The following HS3ST4 variants were observed in gnomAD, a reference collection of about 807,000 sequenced individuals.
HS3ST4 encodes the protein heparan sulfate-glucosamine 3-sulfotransferase 4, also known as heparan sulfate glucosamine 3-O-sulfotransferase 4.
HS3ST4 carries 17 observed loss-of-function variants against 29.2 expected under a neutral mutation model. That is an observed-to-expected ratio of 0.58 (90% CI 0.40 to 0.87). The LOEUF is 0.87. HS3ST4 is among the 40% of genes least tolerant of loss of function. The pLI is 0.00. For synonymous variants in HS3ST4, 314 were observed against 285.7 expected (o/e 1.10, Z -1.00); for missense variants, 627 against 634.5 (o/e 0.99, Z 0.13).
intron 1 of HS3ST4, among the ~76,000 whole-genome samples, chr16:26,074,242 G>T (rs7205687): frequency 0.21 from 32,342 of 152,082 alleles, 3,626 homozygotes; most frequent in South Asian, 0.24. Flanking sequence ...TGAAAATTCT[G>T]CTCTAAATCT....
rs976505602 is a variant in HS3ST4, at chr16:26,137,629, C to T, written c.*1381C>T. On this transcript the variant is annotated 3_prime_UTR_variant, in exon 2 of 2. Transcript: ENST00000331351. ...TTAAATCTGTTCAGCTGTTATTAAA[C>T]TGTCATTTCTCCCGCTAAATGAAAA... The T allele has an allele frequency of 3.9e-5, 6 of 152,158 alleles. No homozygotes were observed. Among genetic ancestry groups the T allele is most frequent in the Admixed American group, 3.3e-4 (5 of 15,276 alleles). The allele number at this position is 152,158 out of a possible 1,614,324, so 9.4% of individuals were successfully genotyped here.
chr16:25,713,863 G>T (rs1966433990), intron 1 of HS3ST4, among the ~76,000 whole-genome samples: 1 of 152,152 alleles, frequency 6.6e-6, no homozygotes. Flanking sequence ...TGGGTCTAAG[G>T]GATCCAATTC....
In HS3ST4 at chr16:25,692,708, G is replaced by T. The variant is rs1036332488; in HGVS notation, c.291G>T (p.Pro97=). 1.6e-6 allele frequency: 2 copies of T among 1,229,898 alleles called. No individual in the cohort carries two copies. Among genetic ancestry groups the T allele is most frequent in the African/African-American group, 1.6e-5 (1 of 62,966 alleles). The allele number at this position is 1,229,898 out of a possible 1,614,324, so 76.2% of individuals were successfully genotyped here. The change falls in exon 1 of 2, where the codon CCG becomes CCT. Residue 97 remains proline (P), a synonymous_variant. Transcript: ENST00000331351. ...TGCGCCTCGGCGCCCCCTCGCAGCC[G>T]CCCGCGCCGCCGCCGCTGGACAACG... ...TPVRLGAPSQ[P]PAPPPLDNAS...
rs116595093 is a variant in HS3ST4, at chr16:25,762,004, A to G, written c.734+68853A>G. 3.3e-3 allele frequency among the ~76,000 whole-genome samples: 498 copies of G among 152,240 alleles called. 3 individuals carry two copies. The highest frequency in any genetic ancestry group is 0.012 in the African/African-American group (479 of 41,526). The stretch of plus-strand genomic sequence containing the variant: ...AGCCCTCACCCCACTCAGAGCAAAG[A>G]TGATGGGAGATGTAGTCTTGGGGAG... On this transcript the variant is annotated intron_variant, in intron 1 of 1. Coordinates refer to ENST00000331351, the MANE Select transcript of HS3ST4 (RefSeq NM_006040.3).
intron 1 of HS3ST4, among the ~76,000 whole-genome samples, chr16:25,736,098 G>A (rs1966607421): frequency 6.6e-6 from 1 of 152,186 alleles, no homozygotes; most frequent in Admixed American, 6.5e-5. Flanking sequence ...TCCTAGGCTA[G>A]GTTTTCATCT....
chr16:25,990,828 G>C (rs1218975148), intron 1 of HS3ST4, among the ~76,000 whole-genome samples: 1 of 152,178 alleles, frequency 6.6e-6, no homozygotes, highest in African/African-American at 2.4e-5. Flanking sequence ...TTCTGCCCTA[G>C]ACACACAAGA....
intron 1 of HS3ST4, among the ~76,000 whole-genome samples, chr16:25,748,600 C>G (rs968318207): frequency 6.6e-6 from 1 of 152,140 alleles, no homozygotes; most frequent in Non-Finnish European, 1.5e-5. Context: ...CTTACATATC[C>G]AGCTGAGATA....
chr16:25,856,102 C>T lies in HS3ST4; in HGVS notation c.734+162951C>T, dbSNP rs115638791. The stretch of plus-strand genomic sequence containing the variant: ...ACAAGGGACCTTCCTCTGCTTTTCA[C>T]GGGGAAAAGCTAGTAGAGTTTCTGG... On this transcript the variant is annotated intron_variant, in intron 1 of 1. Coordinates refer to ENST00000331351, the MANE Select transcript of HS3ST4 (RefSeq NM_006040.3). Among the ~76,000 whole-genome samples the T allele has an allele frequency of 3.6e-3, 549 of 152,134 alleles. 2 individuals are homozygous for T. The highest frequency in any genetic ancestry group is 0.012 in the African/African-American group (506 of 41,500).
At chr16:25,778,108 G>C (rs1173203441) in intron 1 of HS3ST4, among the ~76,000 whole-genome samples, 9 of 151,714 alleles carry the variant, frequency 5.9e-5, no homozygotes, top group Non-Finnish European at 1.2e-4. Context: ...TAAAAAGTGT[G>C]ATTACTCATA....
At chr16:25,805,083 G>T (rs536054238) in intron 1 of HS3ST4, among the ~76,000 whole-genome samples, 1 of 152,036 alleles carries the variant, frequency 6.6e-6, no homozygotes, top group Non-Finnish European at 1.5e-5. Flanking sequence ...GTGTCTGTTT[G>T]GTTGATTGCT....
chr16:25,797,733 G>A (rs1033145792), intron 1 of HS3ST4, among the ~76,000 whole-genome samples: 12 of 152,158 alleles, frequency 7.9e-5, no homozygotes, highest in Admixed American at 2.6e-4. Context: ...TGCCAGTGAC[G>A]ATGATGCCTT....
chr16:26,053,965 C>G (rs1003545577), intron 1 of HS3ST4, among the ~76,000 whole-genome samples: 1 of 152,096 alleles, frequency 6.6e-6, no homozygotes, highest in African/African-American at 2.4e-5. Flanking sequence ...AGGGGAGGCT[C>G]CCTTGTGACA....
intron 1 of HS3ST4, among the ~76,000 whole-genome samples, chr16:25,989,486 C>T (rs370828775): frequency 6.6e-6 from 1 of 152,178 alleles, no homozygotes; most frequent in Non-Finnish European, 1.5e-5. Context: ...ATGGTTGCCT[C>T]GTTTGGTCCA....
chr16:25,994,735 A>G (rs577179681), intron 1 of HS3ST4, among the ~76,000 whole-genome samples: 7 of 152,354 alleles, frequency 4.6e-5, no homozygotes, highest in Admixed American at 3.9e-4. Flanking sequence ...AAAAAAATAT[A>G]TAAGTACTTT....
intron 1 of HS3ST4, among the ~76,000 whole-genome samples, chr16:26,123,924 TTTTTG>T (rs775860827): frequency 6.0e-5 from 9 of 150,406 alleles, no homozygotes; most frequent in Non-Finnish European, 1.0e-4. Context: ...AAAACTTCTT[TTTTTG>T]TTTTGAGACT....
chr16:25,802,168 A>C (rs1475089668), intron 1 of HS3ST4, among the ~76,000 whole-genome samples: 1 of 152,128 alleles, frequency 6.6e-6, no homozygotes, highest in East Asian at 1.9e-4. Context: ...AGTGCTGTGG[A>C]GAAAAACAAA....
chr16:25,723,080 G>A (rs148751864), intron 1 of HS3ST4, among the ~76,000 whole-genome samples: 24 of 152,188 alleles, frequency 1.6e-4, no homozygotes, highest in East Asian at 1.4e-3. Context: ...ATTCACTACC[G>A]TAAGAACAAT....
intron 1 of HS3ST4, among the ~76,000 whole-genome samples, chr16:25,699,241 G>A (rs564126186): frequency 1.2e-4 from 18 of 152,234 alleles, no homozygotes; most frequent in African/African-American, 4.1e-4. Context: ...GCTTACATGT[G>A]CTATTTTAGT....
At chr16:25,956,731 G>A (rs959713255) in intron 1 of HS3ST4, among the ~76,000 whole-genome samples, 2 of 152,066 alleles carry the variant, frequency 1.3e-5, no homozygotes, top group African/African-American at 4.8e-5. Context: ...GGGCGTGGTG[G>A]CTCATGCCTG....
Sources: allele counts gnomAD v4.1 joint callset (sites outside exome capture counted in the v4.1 genomes callset), GRCh38; gene constraint gnomAD v4.1.1; transcripts MANE v1.5; gene names NCBI Gene and HGNC (gene_info 2026-07-23, HGNC 2026-07-21).